Variants in PTPRD observed in about 807,000 individuals in gnomAD.
PTPRD encodes protein tyrosine phosphatase receptor type D, also known as receptor-type tyrosine-protein phosphatase delta.
PTPRD carries 34 observed loss-of-function variants against 214.5 expected under a neutral mutation model. The observed-to-expected ratio is 0.16, with a 90% confidence interval of 0.12 to 0.21. PTPRD has a LOEUF of 0.21. Ranked by LOEUF, PTPRD falls within the 10% of genes least tolerant of loss-of-function variation. PTPRD has a pLI of 1.00. For missense variants in PTPRD, 2,545 were observed against 2,398.7 expected (o/e 1.06, Z -1.27); for synonymous variants, 1,128 against 845.7 (o/e 1.33, Z -5.79).
intron 11 of PTPRD, among the ~76,000 whole-genome samples, chr9:8,925,202 G>T (rs748978189): frequency 6.6e-6 from 1 of 151,986 alleles, no homozygotes; most frequent in Non-Finnish European, 1.5e-5. Context: ...TGCAGCCAAC[G>T]TCTTGACTCC....
intron 36 of PTPRD, 147 bp from the exon 37 acceptor site, chr9:8,389,554 T>G: frequency 1.8e-6 from 1 of 546,214 alleles, no homozygotes; most frequent in East Asian, 3.1e-5. Context: ...CAAGCAAGAT[T>G]AAAAACAGGT....
rs557984246 is a variant in PTPRD, at chr9:9,887,517, G to A, written c.-368+50990C>T. Among the ~76,000 whole-genome samples, 8 of 152,208 alleles carry A rather than the reference G, an allele frequency of 5.3e-5. No individual in the cohort carries two copies. The South Asian group carries it at 1.7e-3, about 32-fold the overall frequency. ...AGGAGCATGAAGCAGCTGATCTTAT[G>A]GTAAAGCCCATCATCAAGGGGCAGA... On this transcript the variant is annotated intron_variant, in intron 5 of 45. Transcript: ENST00000381196.
chr9:9,177,830 A>G (rs1226661058), intron 10 of PTPRD, among the ~76,000 whole-genome samples: 5 of 152,192 alleles, frequency 3.3e-5, no homozygotes, highest in Non-Finnish European at 5.9e-5. Context: ...AACATATAAA[A>G]GACTGAGTTA....
chr9:8,952,367 T>C (rs1305112041), intron 11 of PTPRD, among the ~76,000 whole-genome samples: 1 of 152,064 alleles, frequency 6.6e-6, no homozygotes, highest in African/African-American at 2.4e-5. Flanking sequence ...TTATTTGCAC[T>C]ATTCTATAAA....
At chr9:10,428,078 G>A (rs1350105075) in intron 2 of PTPRD, among the ~76,000 whole-genome samples, 2 of 152,038 alleles carry the variant, frequency 1.3e-5, no homozygotes, top group East Asian at 3.9e-4. Flanking sequence ...CACTTTGGGA[G>A]GCCAAGGCGG....
At chr9:10,460,371 T>TA (rs200250124) in intron 2 of PTPRD, among the ~76,000 whole-genome samples, 5,047 of 147,188 alleles carry the variant, frequency 0.034, 284 homozygotes, top group African/African-American at 0.12. Flanking sequence ...CAAAAATAGA[T>TA]AAAAAAACCC....
chr9:8,447,921 G>A (rs551553210), intron 34 of PTPRD, among the ~76,000 whole-genome samples: 8 of 152,250 alleles, frequency 5.3e-5, no homozygotes, highest in African/African-American at 1.9e-4. Context: ...GGGTGATGAG[G>A]TAAGAAATGC....
chr9:8,537,230 G>A (rs1175528773), intron 14 of PTPRD, among the ~76,000 whole-genome samples: 1 of 151,832 alleles, frequency 6.6e-6, no homozygotes, highest in African/African-American at 2.4e-5. Context: ...GCAAAGTTGG[G>A]CTCTTGGGCC....
At chr9:10,330,272 G>A (rs1171418715) in intron 3 of PTPRD, among the ~76,000 whole-genome samples, 1 of 151,784 alleles carries the variant, frequency 6.6e-6, no homozygotes, top group African/African-American at 2.4e-5. Context: ...TGAGTGTACA[G>A]AGGAACCATG....
intron 10 of PTPRD, among the ~76,000 whole-genome samples, chr9:9,112,063 C>A (rs185129686): frequency 2.1e-4 from 32 of 152,282 alleles, no homozygotes; most frequent in Non-Finnish European, 4.1e-4. Flanking sequence ...TCTGCTTTTA[C>A]TGCTGCCCCA....
intron 2 of PTPRD, among the ~76,000 whole-genome samples, chr9:10,599,289 A>T (rs2077401923): frequency 6.6e-6 from 1 of 151,746 alleles, no homozygotes; most frequent in Non-Finnish European, 1.5e-5. Context: ...ATTATAATTG[A>T]GTTATTATCT....
At chr9:9,506,689 T>A (rs1174873702) in intron 8 of PTPRD, among the ~76,000 whole-genome samples, 2 of 151,348 alleles carry the variant, frequency 1.3e-5, no homozygotes, top group Admixed American at 6.6e-5. Context: ...TAGATAGAAG[T>A]TGAGGAAATC....
intron 8 of PTPRD, among the ~76,000 whole-genome samples, chr9:9,456,769 G>A (rs1314754423): frequency 6.6e-6 from 1 of 151,772 alleles, no homozygotes; most frequent in African/African-American, 2.4e-5. Context: ...GAGAAATAAA[G>A]AGGTTAAATA....
In PTPRD at chr9:8,511,845, CT is replaced by C. The variant is rs2097689017; in HGVS notation, c.1544-4412del. Among the ~76,000 whole-genome samples, 3 of 152,174 alleles carry C rather than the reference CT, an allele frequency of 2.0e-5. No homozygotes were observed. The East Asian group carries it at 5.8e-4, about 29-fold the overall frequency. On this transcript the variant is annotated intron_variant, in intron 21 of 45. Coordinates refer to ENST00000381196, the MANE Select transcript of PTPRD (RefSeq NM_002839.4). ...TCCCTAAAATGAGATCATAATCCTA[CT>C]GATACATGTTAAGTACTTGAGTATT...
chr9:8,491,252 A>G (rs1173455370), intron 27 of PTPRD, among the ~76,000 whole-genome samples: 1 of 152,230 alleles, frequency 6.6e-6, no homozygotes, highest in Admixed American at 6.5e-5. Context: ...AAAATTCCAA[A>G]GGAATTCTAT....
At chr9:10,204,697 G>T (rs567772393) in intron 3 of PTPRD, among the ~76,000 whole-genome samples, 10 of 152,102 alleles carry the variant, frequency 6.6e-5, no homozygotes, top group Non-Finnish European at 1.5e-4. Context: ...ACTAGAGGAA[G>T]ATTTGATTGG....
chr9:8,934,464 A>AATATATATATAAAT (rs2098978727), intron 11 of PTPRD, among the ~76,000 whole-genome samples: 2 of 11,090 alleles, frequency 1.8e-4, no homozygotes, highest in African/African-American at 3.0e-4. Context: ...TATATATATA[A>AATATATATATAAAT]ATATATATAT....
intron 11 of PTPRD, among the ~76,000 whole-genome samples, chr9:8,911,397 T>TGC (rs1332699527): frequency 7.1e-6 from 1 of 141,068 alleles, no homozygotes; most frequent in Non-Finnish European, 1.5e-5. Context: ...CATGTGTGTG[T>TGC]CTGTGTGTGT....
At chr9:8,706,367 A>G (rs921338673) in intron 12 of PTPRD, among the ~76,000 whole-genome samples, 1 of 152,170 alleles carries the variant, frequency 6.6e-6, no homozygotes, top group Non-Finnish European at 1.5e-5. Context: ...TTATTGGATT[A>G]GAGATTCATT....
Sources: allele counts gnomAD v4.1 joint callset (sites outside exome capture counted in the v4.1 genomes callset), GRCh38; gene constraint gnomAD v4.1.1; transcripts MANE v1.5; gene names NCBI Gene and HGNC (gene_info 2026-07-23, HGNC 2026-07-21).